The following PDGFA variants were observed in gnomAD, a reference collection of about 807,000 sequenced individuals.
PDGFA encodes platelet derived growth factor subunit A.
Under a neutral mutation model 25.6 loss-of-function variants are expected in PDGFA, and 9 were observed. The ratio of observed to expected loss-of-function variants is 0.35; its 90% CI spans 0.21 to 0.61. The LOEUF (loss-of-function observed/expected upper bound fraction) is 0.61. Ranked by LOEUF, PDGFA falls within the 20% of genes least tolerant of loss-of-function variation. The pLI, the probability that PDGFA is intolerant of heterozygous loss-of-function variation, is 0.75. For missense variants in PDGFA, 242 were observed against 272.8 expected (o/e 0.89, Z 0.79); for synonymous variants, 133 against 111.8 (o/e 1.19, Z -1.20).
intron 4 of PDGFA, among the ~76,000 whole-genome samples, chr7:502,768 TCACACACACACACACACACACA>T (rs71016866): frequency 1.6e-5 from 2 of 126,034 alleles, no homozygotes; most frequent in South Asian, 5.5e-4. Context: ...AGGCAAGAAA[TCACACACACACACACACACACA>T]CACACACACA....
intron 5 of PDGFA, among the ~76,000 whole-genome samples, chr7:499,679 G>A (rs1477881222): frequency 8.1e-6 from 1 of 124,198 alleles, no homozygotes; most frequent in Admixed American, 9.7e-5. Flanking sequence ...GTCACTGGGT[G>A]GGATTTCCAG....
intron 4 of PDGFA, among the ~76,000 whole-genome samples, chr7:507,585 G>C (rs1023129912): frequency 2.6e-5 from 4 of 152,196 alleles, no homozygotes; most frequent in Admixed American, 2.0e-4. Flanking sequence ...GCTGCACAAG[G>C]CTGAGCCATG....
intron 3 of PDGFA, 110 bp downstream of exon 3, chr7:512,241 G>C (rs779747893): frequency 9.5e-7 from 1 of 1,048,584 alleles, no homozygotes; most frequent in African/African-American, 1.6e-5. Context: ...AGGCCACTGC[G>C]CTGGGAGAGC....
Position 510,923 on chromosome 7 carries a change from C to T in PDGFA, c.339G>A (p.Thr113=), listed in dbSNP as rs771863201. The change falls in exon 4 of 6, where the codon ACG becomes ACA. Residue 113 remains threonine (T), a synonymous_variant. Coordinates refer to ENST00000402802, the Ensembl canonical transcript of PDGFA. ...GGGGCCAGATCAGGAAGTTGGCGGA[C>T]GTGGGGTCGACCTGACTCCGAGGAA... The T allele has an allele frequency of 1.9e-5, 31 of 1,612,552 alleles. No homozygotes were observed. In the Middle Eastern group the frequency reaches 4.9e-4, roughly 26 times the overall value.
In PDGFA at chr7:511,007, G is replaced by C. The variant is rs374163873; in HGVS notation, c.266-11C>G. On this transcript the variant is annotated splice_polypyrimidine_tract_variant and intron_variant, in intron 3 of 5. Coordinates refer to ENST00000402802, the Ensembl canonical transcript of PDGFA. Reference sequence around the variant, plus strand: ...CGGGGACAGCTTCCTCTGCAACGGCGGGGGCACAGTGAGCGGGGACCGGCC... The same window carrying C: ...CGGGGACAGCTTCCTCTGCAACGGCCGGGGCACAGTGAGCGGGGACCGGCC... The C allele has an allele frequency of 1.9e-6, 3 of 1,608,418 alleles. No homozygotes were observed. The highest frequency in any genetic ancestry group is 2.2e-5 in the South Asian group (2 of 90,834).
At chr7:501,156 C>T (rs149744268) in exon 5 of PDGFA, 211 of 1,614,112 alleles carry the variant, frequency 1.3e-4, no homozygotes, top group Non-Finnish European at 1.7e-4. Context: ...GGCTTGTGGT[C>T]GCGCAGGCGC....
At chr7:511,928 C>T (rs955525457) in intron 3 of PDGFA, among the ~76,000 whole-genome samples, 21 of 152,204 alleles carry the variant, frequency 1.4e-4, no homozygotes, top group Non-Finnish European at 2.8e-4. Flanking sequence ...ACACAGCACG[C>T]GCGTCCCCAC....
At chr7:511,844 G>A (rs1164187780) in intron 3 of PDGFA, among the ~76,000 whole-genome samples, 3 of 152,214 alleles carry the variant, frequency 2.0e-5, no homozygotes, top group Non-Finnish European at 2.9e-5. Flanking sequence ...GGACGCGGGG[G>A]TGGAGCCCTG....
intron 4 of PDGFA, among the ~76,000 whole-genome samples, chr7:509,973 G>C (rs575489790): frequency 4.7e-4 from 71 of 152,216 alleles, no homozygotes; most frequent in African/African-American, 1.4e-3. Context: ...GCTGCTTTAG[G>C]GGGGAAGCCG....
At chr7:512,274 CCT>C in intron 3 of PDGFA, 75 bp downstream of exon 3, 1 of 1,373,490 alleles carries the variant, frequency 7.3e-7, no homozygotes, top group Non-Finnish European at 1.0e-6. Flanking sequence ...CCCACCCGGC[CCT>C]GCCCTGCCCA....
chr7:509,552 G>A lies in PDGFA; in HGVS notation c.453+1257C>T, dbSNP rs539140051. 2.6e-5 allele frequency among the ~76,000 whole-genome samples: 4 copies of A among 152,216 alleles called. No homozygotes were observed. The South Asian group carries it at 6.2e-4, about 24-fold the overall frequency. On this transcript the variant is annotated intron_variant, in intron 4 of 5. Coordinates refer to ENST00000402802, the Ensembl canonical transcript of PDGFA. ...CGATCCTCCAGCCTCAGCCTTCCAC[G>A]GTGGCTGGGACTGCAGGTGTGAGCC...
At position 518,942 on chromosome 7, in the gene PDGFA, G is replaced by C. The variant is rs1583162965; in HGVS notation, c.60C>G (p.Ala20=). Residue 20 remains alanine (A), a synonymous_variant, in exon 1 of 6, where the codon GCC becomes GCG. Coordinates refer to ENST00000402802, the Ensembl canonical transcript of PDGFA. ...GGGGCGCGGGGGCGGCACCAACCTCGGCCAGAACATGGGCGAGGTATCCGC... is the reference window on the plus strand; with the variant it reads ...GGGGCGCGGGGGCGGCACCAACCTCCGCCAGAACATGGGCGAGGTATCCGC... 2.6e-6 allele frequency: 4 copies of C among 1,525,788 alleles called. No individual in the cohort carries two copies. In the African/African-American group the frequency reaches 5.7e-5, roughly 22 times the overall value. 94.5% of individuals were successfully genotyped at this position (1,525,788 alleles called of 1,614,324 possible). A position where few individuals can be genotyped will look rare whatever the true frequency, so the allele number is the denominator to read the frequency against.
chr7:502,068 T>C (rs1782364647), intron 4 of PDGFA, among the ~76,000 whole-genome samples: 1 of 151,984 alleles, frequency 6.6e-6, no homozygotes, highest in Non-Finnish European at 1.5e-5. Flanking sequence ...CTAAAAACAA[T>C]TTAAAAATTA....
At chr7:511,386 G>A (rs1459533469) in intron 3 of PDGFA, among the ~76,000 whole-genome samples, 1 of 150,348 alleles carries the variant, frequency 6.7e-6, no homozygotes, top group Admixed American at 6.6e-5. Flanking sequence ...GGGGTGGCAG[G>A]GGCAGAGGGG....
intron 5 of PDGFA, among the ~76,000 whole-genome samples, chr7:499,937 G>A (rs1003390910): frequency 1.3e-5 from 2 of 152,040 alleles, no homozygotes; most frequent in Non-Finnish European, 2.9e-5. Flanking sequence ...TCCCTGTGCT[G>A]TCTGGTGTTA....
intron 2 of PDGFA, chr7:513,541 G>A (rs1390548841): frequency 1.3e-5 from 2 of 149,534 alleles, no homozygotes; most frequent in Non-Finnish European, 1.5e-5. Flanking sequence ...TATAACCAAG[G>A]GTGAACAGGC....
chr7:498,747 G>A (rs990577398), intron 5 of PDGFA, among the ~76,000 whole-genome samples, 173 bp from the exon 6 acceptor site: 2 of 152,220 alleles, frequency 1.3e-5, no homozygotes, highest in African/African-American at 4.8e-5. Flanking sequence ...CATTGGCCAT[G>A]TTGCAGTACC....
chr7:498,543 G>A (rs910485806), exon 6 of PDGFA: 1 of 1,607,600 alleles, frequency 6.2e-7, no homozygotes, highest in African/African-American at 1.3e-5. Context: ...CCATGTCCCA[G>A]GAAAGGGCTG....
chr7:519,661 C>G (rs1395671131), upstream of PDGFA, among the ~76,000 whole-genome samples: 1 of 145,642 alleles, frequency 6.9e-6, no homozygotes, highest in Non-Finnish European at 1.5e-5. Context: ...GGGCAGCGCC[C>G]GCGGCCGAGC....
Sources: gnomAD v4.1 joint callset for allele counts (sites outside exome capture counted in the v4.1 genomes callset) on GRCh38, gnomAD v4.1.1 for gene constraint, MANE v1.5 for transcripts, NCBI Gene and HGNC (gene_info 2026-07-23, HGNC 2026-07-21) for gene names.